Variants in ANAPC7 observed in about 807,000 individuals in gnomAD.
The protein encoded by ANAPC7 is anaphase-promoting complex subunit 7.
In ANAPC7, 25 loss-of-function variants were observed where a neutral mutation model predicts 63.3. The ratio of observed to expected loss-of-function variants is 0.39; its 90% CI spans 0.29 to 0.55. The LOEUF is 0.55. Ranked by LOEUF, ANAPC7 falls within the 20% of genes least tolerant of loss-of-function variation. The pLI is 0.57. For missense variants in ANAPC7, 516 were observed against 691.7 expected (o/e 0.75, Z 2.85); for synonymous variants, 241 against 251.7 (o/e 0.96, Z 0.40).
chr12:110,381,690 C>A, intron 8 of ANAPC7, 62 bp downstream of exon 8: 1 of 1,527,450 alleles, frequency 6.5e-7, no homozygotes, highest in Non-Finnish European at 8.9e-7. Context: ...ATGAAACCTT[C>A]CATCTGAGGG....
intron 9 of ANAPC7, among the ~76,000 whole-genome samples, chr12:110,376,879 T>C (rs1881332844): frequency 6.6e-6 from 1 of 151,768 alleles, no homozygotes; most frequent in African/African-American, 2.4e-5. Context: ...TCCCACCACT[T>C]TGGGAGGCCG....
At chr12:110,383,990 CAGG>C (rs1441191859) in intron 6 of ANAPC7, among the ~76,000 whole-genome samples, 5 of 150,774 alleles carry the variant, frequency 3.3e-5, no homozygotes, top group Admixed American at 2.0e-4. Flanking sequence ...ATCACGAGGT[CAGG>C]AGTTCAAGAC....
chr12:110,374,107 C>T lies in ANAPC7; in HGVS notation c.*37G>A. 2 of 1,578,302 alleles carry T rather than the reference C, an allele frequency of 1.3e-6. No individual in the cohort carries two copies. Among genetic ancestry groups the T allele is most frequent in the Non-Finnish European group, 1.7e-6 (2 of 1,165,476 alleles). On this transcript the variant is annotated 3_prime_UTR_variant, in exon 11 of 11. Coordinates refer to ENST00000455511, the MANE Select transcript of ANAPC7 (RefSeq NM_016238.3). ...CTTCAGTCCACGGAAGTGCTCAGAG[C>T]AGGGCAGGCCACTGCGGCCATGGAG... is the stretch of plus-strand genomic sequence containing the variant.
At chr12:110,375,200 C>A (rs1428406016) in intron 10 of ANAPC7, among the ~76,000 whole-genome samples, 1 of 152,188 alleles carries the variant, frequency 6.6e-6, no homozygotes, top group Non-Finnish European at 1.5e-5. Flanking sequence ...TACTCTGAAG[C>A]TCTCACCCAT....
chr12:110,374,734 C>A (rs575808541), intron 10 of ANAPC7, among the ~76,000 whole-genome samples: 1 of 152,268 alleles, frequency 6.6e-6, no homozygotes, highest in African/African-American at 2.4e-5. Flanking sequence ...ATAGGAATTT[C>A]TCTGAGTATA....
intron 1 of ANAPC7, 88 bp downstream of exon 1, chr12:110,403,439 C>A: frequency 7.0e-7 from 1 of 1,438,634 alleles, no homozygotes; most frequent in South Asian, 1.3e-5. Context: ...GCCGCTCCTT[C>A]CCGCCTGTTC....
intron 1 of ANAPC7, among the ~76,000 whole-genome samples, chr12:110,402,797 G>A (rs899862213): frequency 4.0e-5 from 6 of 151,866 alleles, no homozygotes; most frequent in African/African-American, 1.4e-4. Context: ...GGACAATGAT[G>A]CGATCACGGC....
rs181145208 is a variant in ANAPC7 at position 110,402,568 on chromosome 12, T to A, written c.101+959A>T. ...CCAGGATGATCTCGATCTCCTGACC[T>A]CGTGATCCGCCCGCCTCGGCCTCCC... On this transcript the variant is annotated intron_variant, in intron 1 of 10. Coordinates refer to ENST00000455511, the MANE Select transcript of ANAPC7 (RefSeq NM_016238.3). Among the ~76,000 whole-genome samples, 1,261 of 152,138 alleles carry A rather than the reference T, an allele frequency of 8.3e-3. 1 individual carries two copies. Among genetic ancestry groups the A allele is most frequent in the Non-Finnish European group, 9.4e-3 (642 of 67,996 alleles).
rs1882711632 is a variant in ANAPC7, at chr12:110,387,434, C to CGAGAGAGAGAGA, written c.674+304_674+305insTCTCTCTCTCTC. On this transcript the variant is annotated intron_variant, in intron 5 of 10. Coordinates refer to ENST00000455511, the MANE Select transcript of ANAPC7 (RefSeq NM_016238.3). ...GAGAGAGAGAGAGAGAGAGAGAGACCGACCTTGTCTCAAAAAAAAAAAAAA... is the reference window on the plus strand; with the variant it reads ...GAGAGAGAGAGAGAGAGAGAGAGACCGAGAGAGAGAGAGACCTTGTCTCAAAAAAAAAAAAAA... The CGAGAGAGAGAGA allele has an allele frequency of 1.0e-4, 2 of 19,584 alleles. 1 individual carries two copies. The allele number at this position is 19,584 out of a possible 1,614,324, so 1.2% of individuals were successfully genotyped here. A position where few individuals can be genotyped will look rare whatever the true frequency, so the allele number is the denominator to read the frequency against.
At chr12:110,389,575 A>T (rs572796068) in intron 3 of ANAPC7, among the ~76,000 whole-genome samples, 5 of 152,344 alleles carry the variant, frequency 3.3e-5, no homozygotes, top group African/African-American at 1.2e-4. Context: ...TAATTTAAAT[A>T]TGTAACTTTG....
At chr12:110,403,470 C>T in intron 1 of ANAPC7, 57 bp downstream of exon 1, 2 of 1,534,208 alleles carry the variant, frequency 1.3e-6, no homozygotes, top group South Asian at 1.2e-5. Flanking sequence ...TGAGCCCCCG[C>T]TCCCAGACCG....
In ANAPC7 at chr12:110,402,143, C is replaced by T. The variant is rs1466275531; in HGVS notation, c.101+1384G>A. Among the ~76,000 whole-genome samples the T allele has an allele frequency of 2.0e-5, 3 of 150,818 alleles. No individual in the cohort carries two copies. In the East Asian group the frequency reaches 5.8e-4, roughly 29 times the overall value. ...TGAGCCAAGACTGCGCCACTCAACT[C>T]CAGCATGGGCGACAGAGCGAGGCTG... On this transcript the variant is annotated intron_variant, in intron 1 of 10. Coordinates refer to ENST00000455511, the MANE Select transcript of ANAPC7 (RefSeq NM_016238.3).
chr12:110,398,154 G>A (rs1279212332), intron 1 of ANAPC7, among the ~76,000 whole-genome samples: 3 of 151,918 alleles, frequency 2.0e-5, no homozygotes, highest in Non-Finnish European at 4.4e-5. Flanking sequence ...GCTGAGGCAG[G>A]AGAATGACTT....
intron 1 of ANAPC7, 115 bp downstream of exon 1, chr12:110,403,412 C>T: frequency 8.2e-7 from 1 of 1,221,584 alleles, no homozygotes; most frequent in Non-Finnish European, 1.1e-6. Context: ...ACCCCGGAGC[C>T]TCCGCTGGCG....
In ANAPC7 at chr12:110,377,626, A is replaced by C. The variant is rs767151483; in HGVS notation, c.1133-9T>G. On this transcript the variant is annotated splice_polypyrimidine_tract_variant and intron_variant, in intron 8 of 10. Coordinates refer to ENST00000455511, the MANE Select transcript of ANAPC7 (RefSeq NM_016238.3). ...GTAACATTCGATAAGACCTGAAAAA[A>C]GTAAAACACGTGAAGACATTCAATG... 1.2e-6 allele frequency: 2 copies of C among 1,614,162 alleles called. No homozygotes were observed. The highest frequency in any genetic ancestry group is 1.7e-6 in the Non-Finnish European group (2 of 1,179,980).
rs1301912943 is a variant in ANAPC7, at chr12:110,374,254, C to G, written c.1588G>C (p.Glu530Gln). ...CCTTCCATGTCGTCCACATCCTCCT[C>G]CTGAGTGGCATCCGTGGGACTCTCC... ...KEESPTDATQ[E>Q]EDVDDMEGSG... Residue 530 changes from glutamate (E) to glutamine (Q), a missense_variant, in exon 11 of 11, where the codon GAG becomes CAG. Physicochemically the swap from Glu to Gln is conservative, Grantham distance 29 (BLOSUM62 2). Coordinates refer to ENST00000455511, the MANE Select transcript of ANAPC7 (RefSeq NM_016238.3). 2 of 1,614,092 alleles carry G rather than the reference C, an allele frequency of 1.2e-6. No homozygotes were observed. Among genetic ancestry groups the G allele is most frequent in the African/African-American group, 1.3e-5 (1 of 74,934 alleles).
At chr12:110,388,409 G>A in intron 4 of ANAPC7, 103 bp downstream of exon 4, 5 of 805,446 alleles carry the variant, frequency 6.2e-6, no homozygotes, top group Non-Finnish European at 8.0e-6. Context: ...CTCTTCAGGG[G>A]AACTTTTAAA....
intron 9 of ANAPC7, 75 bp from the exon 10 acceptor site, chr12:110,376,291 C>A: frequency 2.1e-5 from 32 of 1,532,340 alleles, no homozygotes; most frequent in Non-Finnish European, 2.8e-5. Context: ...CATCTCTTTG[C>A]AGACATCCTC....
chr12:110,377,229 C>T (rs1410415029), intron 9 of ANAPC7, among the ~76,000 whole-genome samples, 164 bp downstream of exon 9: 6 of 151,966 alleles, frequency 3.9e-5, no homozygotes, highest in Admixed American at 2.6e-4. Flanking sequence ...AAGCCAGCTA[C>T]GTTTGGTTGG....
Sources: gnomAD v4.1 joint callset for allele counts (sites outside exome capture counted in the v4.1 genomes callset) on GRCh38, gnomAD v4.1.1 for gene constraint, MANE v1.5 for transcripts, NCBI Gene and HGNC (gene_info 2026-07-23, HGNC 2026-07-21) for gene names.